The following SPAG16 variants were observed in gnomAD, a reference collection of about 807,000 sequenced individuals.
SPAG16 encodes the protein sperm associated antigen 16.
Under a neutral mutation model 80.4 loss-of-function variants are expected in SPAG16, and 86 were observed. That is an observed-to-expected ratio of 1.07 (90% CI 0.90 to 1.28). The LOEUF (loss-of-function observed/expected upper bound fraction) is 1.28. Ranked by LOEUF, SPAG16 falls within the 50% of genes most tolerant of loss-of-function variation. SPAG16 has a pLI of 0.00. For synonymous variants in SPAG16, 294 were observed against 265.9 expected, an observed-to-expected ratio of 1.11 and a Z score of -1.03; for missense variants, 870 against 765.3, an observed-to-expected ratio of 1.14 and a Z score of -1.61.
In SPAG16 at chr2:213,548,944, T is replaced by A. The variant is rs186005226; in HGVS notation, c.1070+58854T>A. Among the ~76,000 whole-genome samples the A allele has an allele frequency of 2.1e-3, 325 of 152,212 alleles. 1 individual carries two copies. The highest frequency in any genetic ancestry group is 7.6e-3 in the African/African-American group (317 of 41,586). The stretch of plus-strand genomic sequence containing the variant: ...ATATAAATGCATTTGTCCTGGCTTG[T>A]CATATAAAGCGTGAATGCCACTTTA... On this transcript the variant is annotated intron_variant, in intron 10 of 15. Coordinates refer to ENST00000331683, the MANE Select transcript of SPAG16 (RefSeq NM_024532.5).
rs536819455 is a variant in SPAG16 at position 214,261,284 on chromosome 2, C to T, written c.1720+112018C>T. ...TCCCACGATACCATCACATACCGTT[C>T]ACTCACACAGAGAGCTAGGCTTCAG... is the stretch of plus-strand genomic sequence containing the variant. On this transcript the variant is annotated intron_variant, in intron 15 of 15. Coordinates refer to ENST00000331683, the MANE Select transcript of SPAG16 (RefSeq NM_024532.5). Among the ~76,000 whole-genome samples, 4 of 152,090 alleles carry T rather than the reference C, an allele frequency of 2.6e-5. No individual in the cohort carries two copies. In the South Asian group the frequency reaches 6.2e-4, roughly 24 times the overall value.
intron 15 of SPAG16, among the ~76,000 whole-genome samples, chr2:214,363,839 C>T (rs974272704): frequency 3.3e-5 from 5 of 152,052 alleles, no homozygotes; most frequent in African/African-American, 1.2e-4. Context: ...ACCTGGAATG[C>T]TACAATCTTG....
At chr2:213,647,449 G>A (rs1365252411) in intron 10 of SPAG16, among the ~76,000 whole-genome samples, 1 of 151,958 alleles carries the variant, frequency 6.6e-6, no homozygotes, top group Non-Finnish European at 1.5e-5. Context: ...ATTTTATTTT[G>A]CTCATTCTTT....
At chr2:213,978,148 C>T (rs941082640) in intron 12 of SPAG16, among the ~76,000 whole-genome samples, 4 of 151,862 alleles carry the variant, frequency 2.6e-5, no homozygotes, top group African/African-American at 9.7e-5. Context: ...CCTTGTTTCC[C>T]GTCTTGGGAC....
intron 13 of SPAG16, among the ~76,000 whole-genome samples, chr2:214,074,001 T>A (rs1486121664): frequency 6.6e-6 from 1 of 152,164 alleles, no homozygotes; most frequent in African/African-American, 2.4e-5. Flanking sequence ...CAATGTGACA[T>A]TATTAGGAGT....
At chr2:213,833,493 TAA>T (rs1272632600) in intron 10 of SPAG16, among the ~76,000 whole-genome samples, 212 of 2,060 alleles carry the variant, frequency 0.1, 66 homozygotes, top group East Asian at 0.65. Flanking sequence ...ATATTATATA[TAA>T]TATATATATT....
intron 5 of SPAG16, among the ~76,000 whole-genome samples, chr2:213,324,340 G>A (rs1038662): frequency 0.97 from 148,306 of 152,238 alleles, 72,347 homozygotes; most frequent in East Asian, 1. Context: ...TATAATTTTG[G>A]CAAACGGATA....
At chr2:213,765,864 A>G (rs527389238) in intron 10 of SPAG16, among the ~76,000 whole-genome samples, 54 of 152,360 alleles carry the variant, frequency 3.5e-4, no homozygotes, top group African/African-American at 1.2e-3. Context: ...AACAAACTTA[A>G]GCAGCTATGT....
At chr2:213,423,958 T>G (rs2069753527) in intron 9 of SPAG16, among the ~76,000 whole-genome samples, 2 of 152,198 alleles carry the variant, frequency 1.3e-5, no homozygotes, top group Non-Finnish European at 2.9e-5. Context: ...TTCAGCAGAG[T>G]ACATTTCCTA....
intron 12 of SPAG16, among the ~76,000 whole-genome samples, chr2:213,930,516 A>G (rs1172696010): frequency 1.3e-5 from 2 of 152,204 alleles, no homozygotes; most frequent in Non-Finnish European, 2.9e-5. Context: ...ATTAAATGTA[A>G]TAGTTCAACG....
intron 10 of SPAG16, among the ~76,000 whole-genome samples, chr2:213,537,105 T>C (rs2076277757): frequency 7.3e-6 from 1 of 137,866 alleles, no homozygotes; most frequent in Non-Finnish European, 1.5e-5. Flanking sequence ...AGGTGGGAAC[T>C]GAACAATGAG....
chr2:213,338,208 T>A (rs180892174), intron 5 of SPAG16, among the ~76,000 whole-genome samples: 90 of 152,236 alleles, frequency 5.9e-4, no homozygotes, highest in African/African-American at 1.9e-3. Flanking sequence ...CAAGCACTCC[T>A]GAAGGAAGCA....
intron 9 of SPAG16, among the ~76,000 whole-genome samples, chr2:213,407,163 A>G (rs1341020981): frequency 3.3e-5 from 5 of 152,152 alleles, no homozygotes; most frequent in African/African-American, 7.2e-5. Flanking sequence ...GACAAGTCCT[A>G]CTGCTGGACA....
intron 12 of SPAG16, among the ~76,000 whole-genome samples, chr2:213,987,926 A>G (rs976235730): frequency 2.7e-5 from 4 of 150,102 alleles, no homozygotes; most frequent in African/African-American, 9.7e-5. Flanking sequence ...AAATAGATAA[A>G]ATGTAATTAG....
At chr2:214,200,702 TAA>T (rs1416356371) in intron 15 of SPAG16, among the ~76,000 whole-genome samples, 2 of 152,158 alleles carry the variant, frequency 1.3e-5, no homozygotes, top group African/African-American at 4.8e-5. Context: ...TCATAAAATA[TAA>T]GTTTATAAAA....
intron 10 of SPAG16, among the ~76,000 whole-genome samples, chr2:213,625,224 C>T (rs544924313): frequency 2.0e-5 from 3 of 152,250 alleles, no homozygotes; most frequent in African/African-American, 7.2e-5. Flanking sequence ...TTAATCAGCT[C>T]ACAGTTCTGT....
At chr2:214,232,308 A>G (rs1559143937) in intron 15 of SPAG16, among the ~76,000 whole-genome samples, 1 of 151,978 alleles carries the variant, frequency 6.6e-6, no homozygotes, top group South Asian at 2.1e-4. Context: ...ATATATTCTA[A>G]ATTGGTATGA....
chr2:214,307,893 T>C (rs1433979071), intron 15 of SPAG16, among the ~76,000 whole-genome samples: 2 of 151,846 alleles, frequency 1.3e-5, no homozygotes. Flanking sequence ...TATGTAGATA[T>C]CTATCAGGTA....
At chr2:214,081,522 C>T (rs374643750) in intron 13 of SPAG16, among the ~76,000 whole-genome samples, 17 of 152,036 alleles carry the variant, frequency 1.1e-4, no homozygotes, top group African/African-American at 4.1e-4. Flanking sequence ...AGACAGAGGC[C>T]GAGATTGTAA....
Sources: gnomAD v4.1 joint callset for allele counts (sites outside exome capture counted in the v4.1 genomes callset) on GRCh38, gnomAD v4.1.1 for gene constraint, MANE v1.5 for transcripts, NCBI Gene and HGNC (gene_info 2026-07-23, HGNC 2026-07-21) for gene names.